CNTN4: variants seen among roughly 807,000 people sequenced by gnomAD.
CNTN4 encodes the protein contactin 4.
CNTN4 carries 77 observed loss-of-function variants against 122.5 expected under a neutral mutation model. That is an observed-to-expected ratio of 0.63 (90% CI 0.52 to 0.76). The LOEUF is 0.76. Among genes scored for constraint, CNTN4 ranks in the 30% least tolerant of loss-of-function variants. The probability of loss-of-function intolerance (pLI) is 0.00; values close to 1 mark genes in which losing one functional copy is unlikely to be tolerated. For missense variants in CNTN4, 1,256 were observed against 1,259.1 expected (o/e 1.00, Z 0.04); for synonymous variants, 512 against 447.0 (o/e 1.15, Z -1.83).
chr3:2,575,659 C>T (rs2079630656), intron 4 of CNTN4, among the ~76,000 whole-genome samples: 2 of 152,070 alleles, frequency 1.3e-5, no homozygotes, highest in South Asian at 4.2e-4. Context: ...CAAATGTCAC[C>T]TAATTGGTGA....
Position 3,026,275 on chromosome 3 carries a change from G to C in CNTN4, c.1660G>C (p.Gly554Arg), listed in dbSNP as rs1017891844. Reference sequence around the variant, plus strand: ...TGGGGACCACTTTGAAAGAGTTGGAGGGGTAAGTATTAATAGCAAAAACTG... The same window carrying C: ...TGGGGACCACTTTGAAAGAGTTGGACGGGTAAGTATTAATAGCAAAAACTG... Reference protein sequence around the residue: ...RDGDHFERVGGQDSAGDLMIR... With the variant: ...RDGDHFERVGRQDSAGDLMIR... The change falls in exon 15 of 25, where the codon GGG (glycine) becomes CGG (arginine). Residue 554 changes from glycine to arginine, a missense_variant and splice_region_variant. By Grantham distance (125) the Gly-to-Arg change is moderately radical. Transcript: ENST00000418658. 1 of 1,612,986 alleles carries C rather than the reference G, an allele frequency of 6.2e-7. No individual in the cohort carries two copies. The highest frequency in any genetic ancestry group is 1.1e-5 in the South Asian group (1 of 91,048).
At chr3:2,893,183 A>G (rs757422140) in intron 10 of CNTN4, among the ~76,000 whole-genome samples, 8 of 152,222 alleles carry the variant, frequency 5.3e-5, no homozygotes, top group Non-Finnish European at 7.3e-5. Flanking sequence ...CTAAATGTCT[A>G]GAGCCTTTGT....
intron 2 of CNTN4, among the ~76,000 whole-genome samples, chr3:2,206,404 T>C (rs1202170797): frequency 6.6e-6 from 1 of 152,130 alleles, no homozygotes; most frequent in Admixed American, 6.6e-5. Context: ...CAAGCAAATT[T>C]CATTATAAAA....
intron 2 of CNTN4, among the ~76,000 whole-genome samples, chr3:2,269,534 C>T (rs995013725): frequency 2.6e-5 from 4 of 152,064 alleles, no homozygotes; most frequent in South Asian, 2.1e-4. Flanking sequence ...GGAATCATTT[C>T]GGTGGCTGTA....
In CNTN4 at chr3:2,533,217, T is replaced by C. The variant is rs539341110; in HGVS notation, c.-88-38199T>C. Among the ~76,000 whole-genome samples, 34 of 151,926 alleles carry C rather than the reference T, an allele frequency of 2.2e-4. 1 individual carries two copies. Among genetic ancestry groups the C allele is most frequent in the Middle Eastern group, 3.2e-3 (1 of 316 alleles). ...GTTTCATATGTATACATGTGCCATGTTGGTGTGCTGCACCCATTAACTCAT... is the reference window on the plus strand; with the variant it reads ...GTTTCATATGTATACATGTGCCATGCTGGTGTGCTGCACCCATTAACTCAT... On this transcript the variant is annotated intron_variant, in intron 3 of 24. Coordinates refer to ENST00000418658, the MANE Select transcript of CNTN4 (RefSeq NM_175607.3).
chr3:2,751,355 T>C (rs1282631219), intron 6 of CNTN4, among the ~76,000 whole-genome samples: 1 of 151,978 alleles, frequency 6.6e-6, no homozygotes, highest in Non-Finnish European at 1.5e-5. Flanking sequence ...TGCTCATGTA[T>C]GGAATGAATC....
chr3:2,179,233 A>T (rs2036899689), intron 2 of CNTN4, among the ~76,000 whole-genome samples: 1 of 152,048 alleles, frequency 6.6e-6, no homozygotes, highest in Admixed American at 6.6e-5. Context: ...AAGTGCTCAT[A>T]TGATTAAAAT....
intron 13 of CNTN4, among the ~76,000 whole-genome samples, chr3:2,948,805 T>C (rs184819208): frequency 0.029 from 4,406 of 152,282 alleles, 223 homozygotes; most frequent in African/African-American, 0.1. Flanking sequence ...TATACTATGG[T>C]GTTTTTTAAT....
chr3:3,040,658 G>A lies in CNTN4; in HGVS notation c.2398+387G>A, dbSNP rs372835758. 9.2e-5 allele frequency among the ~76,000 whole-genome samples: 14 copies of A among 152,078 alleles called. No individual in the cohort carries two copies. In the East Asian group the frequency reaches 1.7e-3, roughly 19 times the overall value. ...TTTTCATAAAGCATATGGTACTTGT[G>A]GCTCACACCTGTAATCCCAACACTT... On this transcript the variant is annotated intron_variant, in intron 20 of 24. Transcript: ENST00000418658.
chr3:2,450,576 G>A (rs1164168201), intron 3 of CNTN4, among the ~76,000 whole-genome samples: 1 of 152,030 alleles, frequency 6.6e-6, no homozygotes, highest in African/African-American at 2.4e-5. Context: ...CCTTGGAGGT[G>A]TAAAGGTTTT....
intron 2 of CNTN4, among the ~76,000 whole-genome samples, chr3:2,256,689 A>G (rs535823766): frequency 6.6e-6 from 1 of 152,194 alleles, no homozygotes; most frequent in Non-Finnish European, 1.5e-5. Flanking sequence ...CCCATTCACA[A>G]TTGCTATGAA....
chr3:2,632,255 C>G (rs998200003), intron 4 of CNTN4, among the ~76,000 whole-genome samples: 2 of 152,136 alleles, frequency 1.3e-5, no homozygotes, highest in Non-Finnish European at 2.9e-5. Flanking sequence ...AGTCTCATTT[C>G]TAAAAACTGT....
At chr3:2,376,143 T>C (rs541990305) in intron 3 of CNTN4, among the ~76,000 whole-genome samples, 1 of 152,328 alleles carries the variant, frequency 6.6e-6, no homozygotes, top group South Asian at 2.1e-4. Flanking sequence ...TAAAGTCATG[T>C]AGCCCCAGGA....
At chr3:2,992,637 T>G (rs1314264907) in intron 14 of CNTN4, among the ~76,000 whole-genome samples, 1 of 152,182 alleles carries the variant, frequency 6.6e-6, no homozygotes, top group African/African-American at 2.4e-5. Context: ...TTTAGAGTAT[T>G]TGTTTGGATG....
intron 3 of CNTN4, among the ~76,000 whole-genome samples, chr3:2,558,169 G>A (rs527281313): frequency 3.9e-5 from 6 of 152,182 alleles, no homozygotes; most frequent in African/African-American, 1.2e-4. Flanking sequence ...GTTTCCATAC[G>A]CCCATCACTC....
chr3:2,794,760 T>C (rs1274125736), intron 6 of CNTN4, among the ~76,000 whole-genome samples: 4 of 152,234 alleles, frequency 2.6e-5, no homozygotes, highest in Non-Finnish European at 4.4e-5. Context: ...CTTACAGTTA[T>C]GGAGCCTGGG....
chr3:2,869,867 C>T (rs1343925291), intron 8 of CNTN4, among the ~76,000 whole-genome samples: 1 of 152,186 alleles, frequency 6.6e-6, no homozygotes, highest in Non-Finnish European at 1.5e-5. Flanking sequence ...CTAGCTCTGT[C>T]AAAAGCTATC....
intron 2 of CNTN4, among the ~76,000 whole-genome samples, chr3:2,255,802 A>G (rs1447907386): frequency 6.6e-6 from 1 of 152,214 alleles, no homozygotes; most frequent in African/African-American, 2.4e-5. Context: ...GTTTAGAGGG[A>G]AATCTATAGC....
intron 6 of CNTN4, among the ~76,000 whole-genome samples, chr3:2,801,169 G>T (rs1028621778): frequency 2.0e-5 from 3 of 152,214 alleles, no homozygotes; most frequent in African/African-American, 4.8e-5. Flanking sequence ...CTTAAAGCAA[G>T]ATCTGGACTC....
Sources: allele counts gnomAD v4.1 joint callset (sites outside exome capture counted in the v4.1 genomes callset), GRCh38; gene constraint gnomAD v4.1.1; transcripts MANE v1.5; gene names NCBI Gene and HGNC (gene_info 2026-07-23, HGNC 2026-07-21).